The following SYNE1 variants were observed in gnomAD, a reference collection of about 807,000 sequenced individuals.
The protein encoded by SYNE1 is spectrin repeat containing nuclear envelope protein 1.
Under a neutral mutation model 1,111.0 loss-of-function variants are expected in SYNE1, and 616 were observed. That is an observed-to-expected ratio of 0.55 (90% CI 0.52 to 0.59). The LOEUF (loss-of-function observed/expected upper bound fraction) is 0.59, where lower values mean the gene tolerates loss of function less well. Ranked by LOEUF, SYNE1 falls within the 20% of genes least tolerant of loss-of-function variation. The probability of loss-of-function intolerance (pLI) is 0.00; values close to 1 mark genes in which losing one functional copy is unlikely to be tolerated. For synonymous variants in SYNE1, 3,855 were observed against 3,825.8 expected, an observed-to-expected ratio of 1.01 and a Z score of -0.28; for missense variants, 10,006 against 10,417.0, an observed-to-expected ratio of 0.96 and a Z score of 1.72.
At chr6:152,623,757 AT>A (rs1407889892) in intron 3 of SYNE1, among the ~76,000 whole-genome samples, 2 of 152,148 alleles carry the variant, frequency 1.3e-5, no homozygotes, top group African/African-American at 4.8e-5. Context: ...GCCAACAATA[AT>A]TAGTATAAAA....
chr6:152,458,280 T>C (rs2098709709), intron 22 of SYNE1, among the ~76,000 whole-genome samples: 1 of 152,308 alleles, frequency 6.6e-6, no homozygotes, highest in African/African-American at 2.4e-5. Context: ...CGGATTTGGC[T>C]CCATCTCTAT....
chr6:152,427,754 G>A lies in SYNE1; in HGVS notation c.5039C>T (p.Ser1680Phe), dbSNP rs1296510083. The A allele has an allele frequency of 5.0e-6, 8 of 1,613,980 alleles. No individual in the cohort carries two copies. The Admixed American group carries it at 1.2e-4, about 24-fold the overall frequency. ...GTCTGCAGAAATGTCCATTTCTGGG[G>A]AACTGGCTTTAGCTTCACCCCGCTC... ...WLERGEAKAS[S>F]PEMDISADRV... The change falls in exon 38 of 146, where the codon TCC (serine) becomes TTC (phenylalanine). Residue 1680 changes from serine to phenylalanine, a missense_variant. Physicochemically the swap from Ser to Phe is radical, Grantham distance 155. This residue lies in a region of SYNE1 where 1,971 missense variants were observed against 2,084.1 expected (regional missense o/e 0.95). Transcript: ENST00000367255.
chr6:152,192,590 G>A (rs886110617), intron 127 of SYNE1, among the ~76,000 whole-genome samples: 9 of 152,028 alleles, frequency 5.9e-5, no homozygotes, highest in Non-Finnish European at 1.2e-4. Flanking sequence ...TCCCACCTCA[G>A]CCTCTCAAGT....
At chr6:152,437,529 T>G (rs892381993) in intron 32 of SYNE1, among the ~76,000 whole-genome samples, 1 of 152,202 alleles carries the variant, frequency 6.6e-6, no homozygotes, top group Admixed American at 6.5e-5. Flanking sequence ...GCCAATATAC[T>G]TATTTTAAAT....
intron 32 of SYNE1, among the ~76,000 whole-genome samples, chr6:152,438,612 T>C (rs2098498541): frequency 6.6e-6 from 1 of 152,198 alleles, no homozygotes; most frequent in South Asian, 2.1e-4. Flanking sequence ...GAGTGACCTT[T>C]GGCCACATCT....
chr6:152,392,439 T>C (rs1309726198), intron 51 of SYNE1, among the ~76,000 whole-genome samples: 1 of 152,190 alleles, frequency 6.6e-6, no homozygotes, highest in Admixed American at 6.5e-5. Flanking sequence ...TGAATTCTTA[T>C]CTGCACATTT....
At chr6:152,398,415 G>A (rs1339892115) in intron 49 of SYNE1, among the ~76,000 whole-genome samples, 1 of 152,098 alleles carries the variant, frequency 6.6e-6, no homozygotes, top group East Asian at 1.9e-4. Flanking sequence ...GAGAGGAAAG[G>A]GATCTGGAAA....
At chr6:152,361,294 C>T (rs891020648) in intron 64 of SYNE1, among the ~76,000 whole-genome samples, 4 of 152,130 alleles carry the variant, frequency 2.6e-5, no homozygotes, top group African/African-American at 9.7e-5. Flanking sequence ...TTCTTACAAA[C>T]CAGGTGACGG....
intron 19 of SYNE1, 56 bp downstream of exon 19, chr6:152,463,297 C>G: frequency 4.3e-6 from 7 of 1,611,672 alleles, no homozygotes; most frequent in Non-Finnish European, 5.1e-6. Flanking sequence ...AAACAGACTA[C>G]TTATCACATT....
At chr6:152,392,208 T>C (rs1380728275) in intron 51 of SYNE1, among the ~76,000 whole-genome samples, 2 of 152,134 alleles carry the variant, frequency 1.3e-5, no homozygotes, top group African/African-American at 4.8e-5. Context: ...CTAGGGCCAT[T>C]ATATTCATCT....
chr6:152,416,499 T>G lies in SYNE1; in HGVS notation c.5938A>C (p.Lys1980Gln), dbSNP rs761717534. 1.9e-6 allele frequency: 3 copies of G among 1,614,114 alleles called. No individual in the cohort carries two copies. In the South Asian group the frequency reaches 3.3e-5, roughly 18 times the overall value. Residue 1980 changes from lysine (K) to glutamine (Q), a missense_variant, in exon 41 of 146, where the codon AAA becomes CAA. By Grantham distance (53) the Lys-to-Gln change is moderately conservative. Transcript: ENST00000367255. ...QSEADALAVL[K>Q]KAFQDQKEEL... ...TCTTTCTGGTCTTGGAATGCTTTTT[T>G]CAACACTGCCAGAGCATCTGCCTCA...
At chr6:152,241,832 T>C (rs13195723) in intron 107 of SYNE1, among the ~76,000 whole-genome samples, 75,776 of 151,270 alleles carry the variant, frequency 0.5, 19,756 homozygotes, top group African/African-American at 0.64. Flanking sequence ...GCAAAGAGGG[T>C]AACTGGGACC....
intron 10 of SYNE1, among the ~76,000 whole-genome samples, chr6:152,499,784 A>G (rs1041093728): frequency 6.6e-6 from 1 of 152,216 alleles, no homozygotes; most frequent in Non-Finnish European, 1.5e-5. Flanking sequence ...CTCAAAATTA[A>G]TTTTTGAGAT....
At chr6:152,250,371 C>T (rs2088811907) in intron 104 of SYNE1, among the ~76,000 whole-genome samples, 2 of 152,198 alleles carry the variant, frequency 1.3e-5, no homozygotes, top group Admixed American at 1.3e-4. Context: ...AACTCAGGAC[C>T]TCTTTACCAG....
chr6:152,439,562 T>A (rs1315724494), intron 32 of SYNE1, among the ~76,000 whole-genome samples: 3 of 152,238 alleles, frequency 2.0e-5, no homozygotes, highest in African/African-American at 7.2e-5. Flanking sequence ...AATAATGTTC[T>A]ATTTAAATGA....
At chr6:152,537,656 C>A (rs1220752602) in intron 4 of SYNE1, among the ~76,000 whole-genome samples, 2 of 152,000 alleles carry the variant, frequency 1.3e-5, no homozygotes, top group Non-Finnish European at 2.9e-5. Context: ...AGCAGTCAAG[C>A]ACAAAAATAA....
rs1207042556 is a variant in SYNE1 at position 152,376,908 on chromosome 6, A to G, written c.9014T>C (p.Ile3005Thr). ...IVECWHKGQE[I>T]LDALQKAEPR... ...CTCTGCTTTTTGCAAAGCATCCAGTATCTCCTGTTCAGAAATAATGAGACA... is the reference window on the plus strand; with the variant it reads ...CTCTGCTTTTTGCAAAGCATCCAGTGTCTCCTGTTCAGAAATAATGAGACA... The change falls in exon 57 of 146, where the codon ATA becomes ACA. Residue 3005 changes from isoleucine (I) to threonine (T), a missense_variant. By Grantham distance (89) the Ile-to-Thr change is moderately conservative. Transcript: ENST00000367255. 2 of 1,613,744 alleles carry G rather than the reference A, an allele frequency of 1.2e-6. No homozygotes were observed. Among genetic ancestry groups the G allele is most frequent in the African/African-American group, 1.3e-5 (1 of 74,928 alleles).
chr6:152,517,551 G>T (rs2099118116), intron 6 of SYNE1, among the ~76,000 whole-genome samples: 1 of 152,154 alleles, frequency 6.6e-6, no homozygotes, highest in Non-Finnish European at 1.5e-5. Flanking sequence ...CTGCATCATT[G>T]TTTGTGTTTT....
chr6:152,297,840 A>G (rs2094962267), intron 93 of SYNE1, among the ~76,000 whole-genome samples: 1 of 151,070 alleles, frequency 6.6e-6, no homozygotes, highest in Non-Finnish European at 1.5e-5. Context: ...CACGTGGCTC[A>G]TGCCTACAGA....
Sources: allele counts gnomAD v4.1 joint callset (sites outside exome capture counted in the v4.1 genomes callset), GRCh38; gene constraint gnomAD v4.1.1; regional missense constraint gnomAD v4.1.1; transcripts MANE v1.5; gene names NCBI Gene and HGNC (gene_info 2026-07-23, HGNC 2026-07-21).